The following NUP62CL variants were observed in gnomAD, a reference collection of about 807,000 sequenced individuals.
NUP62CL encodes nucleoporin 62 C-terminal like.
In NUP62CL, 13 loss-of-function variants were observed where a neutral mutation model predicts 15.3. That is an observed-to-expected ratio of 0.85 (90% confidence interval 0.55 to 1.35). NUP62CL has a LOEUF of 1.35. Among genes scored for constraint, NUP62CL ranks in the 40% most tolerant of loss-of-function variants. The pLI, the probability that NUP62CL is intolerant of heterozygous loss-of-function variation, is 0.00. For missense variants in NUP62CL, 123 were observed against 130.6 expected, an observed-to-expected ratio of 0.94 and a Z score of 0.28; for synonymous variants, 54 against 49.2, an observed-to-expected ratio of 1.10 and a Z score of -0.41.
intron 1 of NUP62CL, 95 bp downstream of exon 1, chrX:107,206,178 T>A (rs1252583957): frequency 6.4e-5 from 7 of 110,157 alleles, no homozygotes; most frequent in Admixed American, 4.8e-4. Flanking sequence ...CGGCTGGAGT[T>A]CGAGTCCTCA....
intron 1 of NUP62CL, among the ~76,000 whole-genome samples, chrX:107,193,336 C>A (rs1189369580): frequency 8.9e-6 from 1 of 112,034 alleles, no homozygotes. Context: ...CAAGATGATA[C>A]CTTGAATGAG....
At chrX:107,125,447 A>G (rs1272166842) in intron 8 of NUP62CL, among the ~76,000 whole-genome samples, 2 of 110,522 alleles carry the variant, frequency 1.8e-5, no homozygotes, top group Non-Finnish European at 3.8e-5. Context: ...GCCAGCTGTA[A>G]TATACTTTAA....
chrX:107,174,903 A>G (rs1196306635), intron 3 of NUP62CL, among the ~76,000 whole-genome samples, 186 bp downstream of exon 3: 1 of 112,380 alleles, frequency 8.9e-6, no homozygotes, highest in Non-Finnish European at 1.9e-5. Flanking sequence ...ATGTTAATAT[A>G]AAAAATTCAC....
intron 4 of NUP62CL, among the ~76,000 whole-genome samples, chrX:107,165,797 CA>C (rs760255650): frequency 1.8e-4 from 20 of 111,525 alleles, no homozygotes; most frequent in African/African-American, 5.8e-4. Flanking sequence ...AAAAGCAATT[CA>C]GGGGGGAAGA....
chrX:107,162,818 G>A (rs926136009), intron 4 of NUP62CL, among the ~76,000 whole-genome samples: 11 of 111,882 alleles, frequency 9.8e-5, no homozygotes, highest in African/African-American at 3.3e-4. Context: ...CACAGATGGC[G>A]GGAGGGGCCT....
chrX:107,199,727 C>T (rs1927436767), intron 1 of NUP62CL, among the ~76,000 whole-genome samples: 1 of 111,823 alleles, frequency 8.9e-6, no homozygotes, highest in Non-Finnish European at 1.9e-5. Context: ...GTTATAAAAC[C>T]ATTTCTATAA....
At chrX:107,127,431 T>C (rs1361058836) in intron 8 of NUP62CL, among the ~76,000 whole-genome samples, 1 of 112,191 alleles carries the variant, frequency 8.9e-6, no homozygotes, top group Non-Finnish European at 1.9e-5. Context: ...GGTGGTATAT[T>C]TGTGTATTTT....
At chrX:107,188,090 TCA>T (rs200948508) in intron 2 of NUP62CL, among the ~76,000 whole-genome samples, 1,627 of 112,268 alleles carry the variant, frequency 0.014, 29 homozygotes, top group African/African-American at 0.05. Flanking sequence ...CTAGTATTAC[TCA>T]CTGACCAACT....
chrX:107,156,136 C>T (rs1926180145), intron 4 of NUP62CL, among the ~76,000 whole-genome samples: 1 of 111,521 alleles, frequency 9.0e-6, no homozygotes, highest in Non-Finnish European at 1.9e-5. Context: ...CCTACGCCCA[C>T]GGCATCTCGC....
intron 1 of NUP62CL, among the ~76,000 whole-genome samples, chrX:107,204,783 T>TTTTAAATAAATTATTTAAATAAAA (rs1927597142): frequency 2.4e-5 from 2 of 82,896 alleles, no homozygotes; most frequent in Non-Finnish European, 4.3e-5. Flanking sequence ...TTTAAATAAA[T>TTTTAAATAAATTATTTAAATAAAA]TTTAAATAAA....
intron 8 of NUP62CL, among the ~76,000 whole-genome samples, chrX:107,129,180 G>A (rs762814526): frequency 8.9e-6 from 1 of 112,165 alleles, no homozygotes; most frequent in African/African-American, 3.2e-5. Context: ...TATGAAAATT[G>A]CAGCTGGATT....
At chrX:107,195,896 T>C (rs1031790756) in intron 1 of NUP62CL, among the ~76,000 whole-genome samples, 2 of 111,504 alleles carry the variant, frequency 1.8e-5, no homozygotes, top group Non-Finnish European at 3.8e-5. Context: ...TTATGTGTTA[T>C]ATGTTTTAAT....
At chrX:107,190,385 T>C (rs775403027) in intron 2 of NUP62CL, among the ~76,000 whole-genome samples, 9 of 112,316 alleles carry the variant, frequency 8.0e-5, no homozygotes, top group Non-Finnish European at 1.5e-4. Context: ...GAAATATTTG[T>C]TAAACATAAG....
chrX:107,136,667 C>T (rs1189951538), intron 8 of NUP62CL, among the ~76,000 whole-genome samples: 1 of 112,145 alleles, frequency 8.9e-6, no homozygotes, highest in Non-Finnish European at 1.9e-5. Context: ...TTTAAAAATC[C>T]TCAACAAAAG....
At chrX:107,201,015 C>A (rs1927473637) in intron 1 of NUP62CL, among the ~76,000 whole-genome samples, 1 of 111,098 alleles carries the variant, frequency 9.0e-6, no homozygotes, top group Non-Finnish European at 1.9e-5. Context: ...ATAAAGATCT[C>A]AAAAACTGTT....
chrX:107,164,512 A>G (rs1165016984), intron 4 of NUP62CL, among the ~76,000 whole-genome samples: 1 of 111,501 alleles, frequency 9.0e-6, no homozygotes, highest in Non-Finnish European at 1.9e-5. Flanking sequence ...AGTGAAATTG[A>G]AAACATGAAA....
At chrX:107,199,768 T>G (rs1344860545) in intron 1 of NUP62CL, among the ~76,000 whole-genome samples, 1 of 111,870 alleles carries the variant, frequency 8.9e-6, no homozygotes, top group Admixed American at 9.5e-5. Flanking sequence ...ATATGATTGT[T>G]TAACACATCA....
intron 2 of NUP62CL, among the ~76,000 whole-genome samples, chrX:107,192,512 T>A (rs1231534410): frequency 1.8e-5 from 2 of 111,467 alleles, no homozygotes; most frequent in Non-Finnish European, 3.8e-5. Flanking sequence ...CCTGAGTAGC[T>A]GGGACTACAG....
chrX:107,205,143 A>G (rs1927643718), intron 1 of NUP62CL, among the ~76,000 whole-genome samples: 1 of 111,270 alleles, frequency 9.0e-6, no homozygotes, highest in South Asian at 3.6e-4. Flanking sequence ...CATGTGTACT[A>G]GGTCACAATA....
Sources: gnomAD v4.1 joint callset for allele counts (sites outside exome capture counted in the v4.1 genomes callset) on GRCh38, gnomAD v4.1.1 for gene constraint, MANE v1.5 for transcripts, NCBI Gene and HGNC (gene_info 2026-07-23, HGNC 2026-07-21) for gene names.